The following KIF18A variants were observed in gnomAD, a reference collection of about 807,000 sequenced individuals.
The protein encoded by KIF18A is kinesin-like protein KIF18A.
Under a neutral mutation model 103.3 loss-of-function variants are expected in KIF18A, and 67 were observed. The ratio of observed to expected loss-of-function variants is 0.65; its 90% confidence interval spans 0.53 to 0.79. KIF18A has a LOEUF of 0.79. Among genes scored for constraint, KIF18A ranks in the 30% least tolerant of loss-of-function variants. KIF18A has a pLI of 0.00. For synonymous variants in KIF18A, 367 were observed against 355.5 expected (o/e 1.03, Z -0.36); for missense variants, 1,032 against 1,062.5 (o/e 0.97, Z 0.40).
intron 6 of KIF18A, among the ~76,000 whole-genome samples, chr11:28,086,862 TA>T (rs564044256): frequency 1.9e-3 from 293 of 152,324 alleles, no homozygotes; most frequent in African/African-American, 5.9e-3. Flanking sequence ...GGCTTAAGTT[TA>T]CAAAATCCGT....
At chr11:28,054,854 T>C (rs1850758122) in intron 13 of KIF18A, among the ~76,000 whole-genome samples, 2 of 152,186 alleles carry the variant, frequency 1.3e-5, no homozygotes, top group Non-Finnish European at 2.9e-5. Context: ...TTCAAAAATA[T>C]CATGAGAAGG....
intron 13 of KIF18A, among the ~76,000 whole-genome samples, chr11:28,046,595 T>C (rs2133508712): frequency 7.1e-6 from 1 of 141,524 alleles, no homozygotes; most frequent in South Asian, 2.4e-4. Context: ...TACCTAATGC[T>C]AGATGACGAG....
intron 13 of KIF18A, among the ~76,000 whole-genome samples, chr11:28,043,734 G>A (rs978166469): frequency 7.9e-5 from 12 of 151,450 alleles, no homozygotes; most frequent in African/African-American, 1.2e-4. Context: ...CAAACCTCCT[G>A]AGCAAAAATG....
intron 10 of KIF18A, among the ~76,000 whole-genome samples, chr11:28,070,350 T>G (rs1030518751): frequency 1.3e-5 from 2 of 152,216 alleles, no homozygotes; most frequent in Middle Eastern, 3.2e-3. Context: ...GTTATCTTCA[T>G]CTGGATAGAG....
chr11:28,023,797 C>T lies in KIF18A; in HGVS notation c.2558G>A (p.Arg853His), dbSNP rs952585171. 27 of 1,612,848 alleles carry T rather than the reference C, an allele frequency of 1.7e-5. No individual in the cohort carries two copies. Among genetic ancestry groups the T allele is most frequent in the East Asian group, 2.2e-5 (1 of 44,788 alleles). The change falls in exon 16 of 17, where the codon CGT becomes CAT. Residue 853 changes from arginine to histidine, a missense_variant. Transcript: ENST00000263181. ...CTCACTTGAATTATCTTGTCGAACA[C>T]GTTTGGCAAATCCAGAATTTACGTC... is the stretch of plus-strand genomic sequence containing the variant. ...TADVNSGFAK[R>H]VRQDNSSEKH...
intron 13 of KIF18A, among the ~76,000 whole-genome samples, chr11:28,038,479 C>T (rs1298462416): frequency 6.6e-6 from 1 of 151,584 alleles, no homozygotes; most frequent in African/African-American, 2.4e-5. Flanking sequence ...TTTCCATTCA[C>T]GTTGTCTAAT....
intron 1 of KIF18A, among the ~76,000 whole-genome samples, chr11:28,107,578 T>C (rs2133575382): frequency 6.6e-6 from 1 of 152,302 alleles, no homozygotes; most frequent in Admixed American, 6.5e-5. Flanking sequence ...GGGTTCCCGA[T>C]TGACCAGTGC....
At chr11:28,057,514 CAAAACAAAACAAAACAAAA>C (rs1850797132) in intron 13 of KIF18A, among the ~76,000 whole-genome samples, 1 of 150,674 alleles carries the variant, frequency 6.6e-6, no homozygotes, top group African/African-American at 2.4e-5. Flanking sequence ...GACTCGGTCT[CAAAACAAAACAAAACAAAA>C]AAAACAAAAC....
intron 15 of KIF18A, among the ~76,000 whole-genome samples, chr11:28,026,714 T>G (rs1189104503): frequency 6.6e-6 from 1 of 151,752 alleles, no homozygotes; most frequent in Non-Finnish European, 1.5e-5. Context: ...TTCTTATCTA[T>G]AAACATTTGT....
Position 28,032,545 on chromosome 11 carries a change from G to A in KIF18A, c.2504+2842C>T, listed in dbSNP as rs115265263. 3.3e-3 allele frequency among the ~76,000 whole-genome samples: 494 copies of A among 151,896 alleles called. 5 individuals are homozygous for A. Among genetic ancestry groups the A allele is most frequent in the African/African-American group, 0.011 (463 of 41,470 alleles). ...ACACAAACCAGTGGAACAGAATAGAGAGCCCCAAAATAAATCTACATATTT... is the reference window on the plus strand; with the variant it reads ...ACACAAACCAGTGGAACAGAATAGAAAGCCCCAAAATAAATCTACATATTT... On this transcript the variant is annotated intron_variant, in intron 15 of 16. Transcript: ENST00000263181.
At chr11:28,046,684 C>A in intron 13 of KIF18A, among the ~76,000 whole-genome samples, 1 of 112,092 alleles carries the variant, frequency 8.9e-6, no homozygotes. Context: ...TACCCTAAAA[C>A]TTAAAGTATA....
Position 28,031,923 on chromosome 11 carries a change from A to T in KIF18A, c.2504+3464T>A, listed in dbSNP as rs187509644. On this transcript the variant is annotated intron_variant, in intron 15 of 16. Transcript: ENST00000263181. ...AAGAAAAGAAAGAAAGAACATCCAAATTGGAAAGGAAGAAGTGAAATTATC... is the reference window on the plus strand; with the variant it reads ...AAGAAAAGAAAGAAAGAACATCCAATTTGGAAAGGAAGAAGTGAAATTATC... Among the ~76,000 whole-genome samples the T allele has an allele frequency of 9.4e-4, 143 of 152,002 alleles. 1 individual carries two copies. Among genetic ancestry groups the T allele is most frequent in the African/African-American group, 3.4e-3 (142 of 41,514 alleles).
At chr11:28,029,750 G>A (rs1440035027) in intron 15 of KIF18A, among the ~76,000 whole-genome samples, 4 of 145,154 alleles carry the variant, frequency 2.8e-5, no homozygotes, top group Non-Finnish European at 6.0e-5. Context: ...GTCCCTGTTT[G>A]CAGATGACAT....
chr11:28,087,524 T>C (rs994550786), intron 6 of KIF18A, among the ~76,000 whole-genome samples: 1 of 152,248 alleles, frequency 6.6e-6, no homozygotes, highest in Non-Finnish European at 1.5e-5. Context: ...TCTTTGCTAC[T>C]GTGAATAGTG....
intron 13 of KIF18A, among the ~76,000 whole-genome samples, chr11:28,054,224 T>G (rs1358643768): frequency 6.6e-6 from 1 of 152,060 alleles, no homozygotes; most frequent in Non-Finnish European, 1.5e-5. Context: ...TTTTTTTTTT[T>G]TTTTGAGACA....
intron 15 of KIF18A, among the ~76,000 whole-genome samples, chr11:28,025,857 A>G (rs1850312016): frequency 6.6e-6 from 1 of 151,984 alleles, no homozygotes; most frequent in African/African-American, 2.4e-5. Flanking sequence ...TATAGGTAGA[A>G]TGTTTCTACT....
intron 7 of KIF18A, 33 bp downstream of exon 7, chr11:28,084,599 C>A: frequency 6.7e-7 from 1 of 1,497,260 alleles, no homozygotes; most frequent in Non-Finnish European, 9.2e-7. Context: ...GCAGACAATA[C>A]CTTCACAACA....
At chr11:28,034,957 C>T (rs1850463903) in intron 15 of KIF18A, among the ~76,000 whole-genome samples, 2 of 151,572 alleles carry the variant, frequency 1.3e-5, no homozygotes, top group African/African-American at 4.8e-5. Flanking sequence ...CTGTCTTAGG[C>T]AGAAATAAAA....
At chr11:28,028,667 A>T (rs533036125) in intron 15 of KIF18A, among the ~76,000 whole-genome samples, 2 of 152,154 alleles carry the variant, frequency 1.3e-5, no homozygotes, top group Non-Finnish European at 2.9e-5. Context: ...AAGGCAAGAA[A>T]TAACTAAGAT....
Sources: allele counts gnomAD v4.1 joint callset (sites outside exome capture counted in the v4.1 genomes callset), GRCh38; gene constraint gnomAD v4.1.1; transcripts MANE v1.5; gene names NCBI Gene and HGNC (gene_info 2026-07-23, HGNC 2026-07-21).